The following SCHIP1 variants were observed in gnomAD, a reference collection of about 807,000 sequenced individuals.
SCHIP1 encodes schwannomin-interacting protein 1.
A neutral mutation model predicts 29.7 loss-of-function variants in SCHIP1; 8 were observed. That is an observed-to-expected ratio of 0.27 (90% CI 0.16 to 0.49). The LOEUF (loss-of-function observed/expected upper bound fraction) is 0.49. Among genes scored for constraint, SCHIP1 ranks in the 20% least tolerant of loss-of-function variants. The pLI is 0.99. For synonymous variants in SCHIP1, 76 were observed against 94.9 expected (o/e 0.80, Z 1.16); for missense variants, 193 against 294.6 (o/e 0.66, Z 2.52).
At chr3:159,617,006 G>C in the SCHIP1 span, among the ~76,000 whole-genome samples, 1 of 152,202 alleles carries the variant, frequency 6.6e-6, no homozygotes, top group South Asian at 2.1e-4. Context: ...GGAAAATATA[G>C]ATGGGGAATA....
At chr3:159,439,401 G>T in the SCHIP1 span, among the ~76,000 whole-genome samples, 1 of 152,070 alleles carries the variant, frequency 6.6e-6, no homozygotes, top group African/African-American at 2.4e-5. Flanking sequence ...AGTGAAGGGT[G>T]GAAGACCGCC....
chr3:159,439,731 G>GT, the SCHIP1 span, among the ~76,000 whole-genome samples: 1 of 152,028 alleles, frequency 6.6e-6, no homozygotes, highest in African/African-American at 2.4e-5. Context: ...TAATGGAGTT[G>GT]TTTTTTTCTT....
chr3:159,469,239 T>C, the SCHIP1 span, among the ~76,000 whole-genome samples: 1 of 151,898 alleles, frequency 6.6e-6, no homozygotes, highest in Non-Finnish European at 1.5e-5. Flanking sequence ...AAAACACAAA[T>C]AAGAAGGTGA....
At chr3:159,764,426 C>T in the SCHIP1 span, 1 of 1,570,072 alleles carries the variant, frequency 6.4e-7, no homozygotes, top group South Asian at 1.2e-5. The surrounding 1 kb of genome is among the most constrained non-coding windows in gnomAD (Gnocchi z 6.1). Context: ...AGCTCACTCT[C>T]TACCTCCTCC....
At chr3:159,328,010 C>G in the SCHIP1 span, among the ~76,000 whole-genome samples, 2 of 152,174 alleles carry the variant, frequency 1.3e-5, no homozygotes, top group Non-Finnish European at 2.9e-5. Context: ...TAAATGAGTT[C>G]TGTCCAATTC....
chr3:159,369,607 C>T, the SCHIP1 span, among the ~76,000 whole-genome samples: 9 of 152,058 alleles, frequency 5.9e-5, no homozygotes, highest in Non-Finnish European at 1.3e-4. Flanking sequence ...CTTTTAAATT[C>T]ATAGATAACT....
the SCHIP1 span, among the ~76,000 whole-genome samples, chr3:159,714,876 G>C: frequency 6.6e-6 from 1 of 152,248 alleles, no homozygotes; most frequent in African/African-American, 2.4e-5. Context: ...GTCCCTGTCT[G>C]ACAGCTTTGA....
At chr3:159,622,808 C>A in the SCHIP1 span, among the ~76,000 whole-genome samples, 1 of 152,042 alleles carries the variant, frequency 6.6e-6, no homozygotes, top group South Asian at 2.1e-4. Context: ...GTCCTAGCTA[C>A]TAGGCAGGCA....
At chr3:159,588,949 CT>C in the SCHIP1 span, among the ~76,000 whole-genome samples, 1 of 152,102 alleles carries the variant, frequency 6.6e-6, no homozygotes, top group Non-Finnish European at 1.5e-5. Context: ...AATGTGGGCT[CT>C]TTTTTGGTTG....
At chr3:159,309,721 C>T in the SCHIP1 span, among the ~76,000 whole-genome samples, 1 of 152,114 alleles carries the variant, frequency 6.6e-6, no homozygotes, top group African/African-American at 2.4e-5. Flanking sequence ...TATCCCTTGA[C>T]CTGCAAACAA....
At chr3:159,567,230 C>G in the SCHIP1 span, among the ~76,000 whole-genome samples, 1 of 152,062 alleles carries the variant, frequency 6.6e-6, no homozygotes, top group African/African-American at 2.4e-5. Context: ...GAAATTTTTA[C>G]ATGTCCTAAA....
the SCHIP1 span, among the ~76,000 whole-genome samples, chr3:159,558,129 G>A: frequency 6.6e-6 from 1 of 152,162 alleles, no homozygotes; most frequent in Non-Finnish European, 1.5e-5. Flanking sequence ...GGTATCAAGA[G>A]TCAGAAGACA....
chr3:159,372,463 A>AT, the SCHIP1 span, among the ~76,000 whole-genome samples: 1 of 152,062 alleles, frequency 6.6e-6, no homozygotes. Context: ...TGAAATGTGC[A>AT]TTTTTTAGGA....
the SCHIP1 span, among the ~76,000 whole-genome samples, chr3:159,299,711 G>C: frequency 6.6e-6 from 1 of 152,028 alleles, no homozygotes; most frequent in Non-Finnish European, 1.5e-5. Context: ...TCCTCACAAT[G>C]ATCCCACACT....
chr3:159,507,280 G>A, the SCHIP1 span, among the ~76,000 whole-genome samples: 1 of 152,060 alleles, frequency 6.6e-6, no homozygotes. Context: ...TCTGTTATTG[G>A]TGTATAAGAA....
chr3:159,849,649 G>A (rs1193330947), intron 1 of SCHIP1, among the ~76,000 whole-genome samples: 2 of 152,184 alleles, frequency 1.3e-5, no homozygotes, highest in African/African-American at 4.8e-5. Flanking sequence ...GGTCTGCAGG[G>A]TCCTAGGGCT....
chr3:159,880,472 T>A (rs2109376705), intron 2 of SCHIP1, among the ~76,000 whole-genome samples: 1 of 152,368 alleles, frequency 6.6e-6, no homozygotes, highest in South Asian at 2.1e-4. Context: ...ACATTGTGAC[T>A]TAATGATCCA....
At chr3:159,292,585 A>G in the SCHIP1 span, among the ~76,000 whole-genome samples, 1 of 152,220 alleles carries the variant, frequency 6.6e-6, no homozygotes, top group East Asian at 1.9e-4. Context: ...GGGAACCCAG[A>G]AAGTAGAACT....
At chr3:159,834,738 T>A in the SCHIP1 span, among the ~76,000 whole-genome samples, 1 of 152,188 alleles carries the variant, frequency 6.6e-6, no homozygotes, top group African/African-American at 2.4e-5. Context: ...CAGGTGGCAG[T>A]CAAAATGAAG....
Sources: gnomAD v4.1 joint callset for allele counts (sites outside exome capture counted in the v4.1 genomes callset) on GRCh38, gnomAD v4.1.1 for gene constraint, Gnocchi (gnomAD v3.1) non-coding constraint, MANE v1.5 for transcripts, NCBI Gene and HGNC (gene_info 2026-07-23, HGNC 2026-07-21) for gene names.